Variants in WRN observed in about 807,000 individuals in gnomAD.
WRN encodes WRN RecQ like helicase.
In WRN, 149 loss-of-function variants were observed where a neutral mutation model predicts 180.7. The observed-to-expected ratio is 0.82, with a 90% confidence interval of 0.72 to 0.94. The LOEUF (loss-of-function observed/expected upper bound fraction) is 0.94, where lower values mean the gene tolerates loss of function less well. Among genes scored for constraint, WRN ranks in the 40% least tolerant of loss-of-function variants. The pLI, the probability that WRN is intolerant of heterozygous loss-of-function variation, is 0.00. For synonymous variants in WRN, 548 were observed against 568.9 expected (o/e 0.96, Z 0.52); for missense variants, 1,661 against 1,700.1 (o/e 0.98, Z 0.40).
chr8:31,111,012 CAATT>C (rs1338005156), intron 18 of WRN, among the ~76,000 whole-genome samples: 1 of 152,126 alleles, frequency 6.6e-6, no homozygotes, highest in Admixed American at 6.6e-5. Context: ...TGCTAGCAAT[CAATT>C]AATAATACGT....
At chr8:31,075,201 A>T (rs967671601) in intron 7 of WRN, among the ~76,000 whole-genome samples, 5 of 152,194 alleles carry the variant, frequency 3.3e-5, no homozygotes, top group African/African-American at 1.2e-4. Flanking sequence ...AGATGACAAG[A>T]TAACTGTAGT....
chr8:31,150,443 A>T lies in WRN; in HGVS notation c.3675A>T (p.Thr1225=). 1 of 1,614,170 alleles carries T rather than the reference A, an allele frequency of 6.2e-7. No individual in the cohort carries two copies. The highest frequency in any genetic ancestry group is 8.5e-7 in the Non-Finnish European group (1 of 1,180,002). Residue 1225 remains threonine (T), a synonymous_variant, in exon 31 of 35, where the codon ACA becomes ACT. Transcript: ENST00000298139. ...AAGTCATCAAACATTTCTGCCAAAC[A>T]AATAGTGTTCAGGTAAAATACTGTG... ...LLEVIKHFCQ[T]NSVQTDLFSS... is the part of the protein sequence containing the mutation.
chr8:31,130,009 AAAAAACAAAACAAAAC>A (rs1294594753), intron 23 of WRN, among the ~76,000 whole-genome samples: 1 of 114,300 alleles, frequency 8.7e-6, no homozygotes, highest in Non-Finnish European at 1.8e-5. Context: ...TGTCTCAAAA[AAAAAACAAAACAAAAC>A]AAAAAAAAAA....
chr8:31,044,342 CTTTTTTTTTTTTTT>C (rs34518426), intron 1 of WRN, among the ~76,000 whole-genome samples: 3 of 68,314 alleles, frequency 4.4e-5, no homozygotes, highest in African/African-American at 1.1e-4. Flanking sequence ...GCCCGACCTT[CTTTTTTTTTTTTTT>C]TTTTTTTTTT....
At position 31,113,338 on chromosome 8, in the gene WRN, TGAG is replaced by T. The variant is rs371590336; in HGVS notation, c.2273+1542_2273+1544del. ...GCCAAGAAAATCCTGGAGTTATTCT[TGAG>T]GACCTTAAGGAATAATTGAAATGTA... On this transcript the variant is annotated intron_variant, in intron 19 of 34. Coordinates refer to ENST00000298139, the MANE Select transcript of WRN (RefSeq NM_000553.6). Among the ~76,000 whole-genome samples, 140 of 152,290 alleles carry T rather than the reference TGAG, an allele frequency of 9.2e-4. 4 individuals carry two copies. The South Asian group carries it at 0.028, about 30-fold the overall frequency.
intron 3 of WRN, among the ~76,000 whole-genome samples, chr8:31,061,336 A>T (rs1563327837): frequency 6.6e-6 from 1 of 150,488 alleles, no homozygotes; most frequent in African/African-American, 2.4e-5. Flanking sequence ...TTGGTTCTTA[A>T]TTTTTTTTTC....
intron 7 of WRN, among the ~76,000 whole-genome samples, chr8:31,068,787 GCTTT>G (rs1812804130): frequency 1.3e-5 from 2 of 152,156 alleles, no homozygotes; most frequent in Admixed American, 6.5e-5. Flanking sequence ...ATTTTACAGT[GCTTT>G]CTAACATACT....
Position 31,081,249 on chromosome 8 carries a change from C to A in WRN, c.1222C>A (p.Gln408Lys), listed in dbSNP as rs779671852. ...TEHELQILEQ[Q>K]SQEEYLSDIA... Reference sequence around the variant, plus strand: ...ACATGAACTCCAAATTTTGGAACAGCAGTCTCAGGAAGAATATCTTAGTGA... The same window carrying A: ...ACATGAACTCCAAATTTTGGAACAGAAGTCTCAGGAAGAATATCTTAGTGA... Residue 408 changes from glutamine to lysine, a missense_variant, in exon 9 of 35, where the codon CAG becomes AAG. Gln to Lys is a moderately conservative substitution (Grantham distance 53, BLOSUM62 1). This residue lies in a region of WRN where 500 missense variants were observed against 504.1 expected (regional missense o/e 0.99). Coordinates refer to ENST00000298139, the MANE Select transcript of WRN (RefSeq NM_000553.6). 6.2e-7 allele frequency: 1 copy of A among 1,612,964 alleles called. No homozygotes were observed. The highest frequency in any genetic ancestry group is 1.1e-5 in the South Asian group (1 of 90,972).
chr8:31,151,699 A>T (rs552941804), intron 31 of WRN, among the ~76,000 whole-genome samples: 2 of 152,304 alleles, frequency 1.3e-5, no homozygotes, highest in South Asian at 4.2e-4. Context: ...GAAGAGGAAA[A>T]TGAAGTAGGG....
At chr8:31,166,771 A>T (rs1563393121) in intron 33 of WRN, among the ~76,000 whole-genome samples, 1 of 152,132 alleles carries the variant, frequency 6.6e-6, no homozygotes, top group African/African-American at 2.4e-5. Context: ...GACAGTTTGA[A>T]ACACAATTTA....
intron 34 of WRN, 135 bp from the exon 35 acceptor site, chr8:31,172,860 A>G (rs1191049289): frequency 2.9e-6 from 2 of 693,384 alleles, no homozygotes; most frequent in African/African-American, 3.6e-5. Context: ...AATAAATTAT[A>G]TAGATACCAC....
intron 23 of WRN, among the ~76,000 whole-genome samples, 163 bp from the exon 24 acceptor site, chr8:31,132,202 G>A: frequency 6.6e-6 from 1 of 152,122 alleles, no homozygotes; most frequent in African/African-American, 2.4e-5. Context: ...TCATATTTTA[G>A]CTACTTTACA....
At chr8:31,047,851 A>G (rs751948492) in intron 1 of WRN, among the ~76,000 whole-genome samples, 3 of 152,188 alleles carry the variant, frequency 2.0e-5, no homozygotes, top group Non-Finnish European at 4.4e-5. Flanking sequence ...TGAATTATTC[A>G]GTTGGGTAGT....
chr8:31,097,072 T>G (rs1814018434), intron 17 of WRN, among the ~76,000 whole-genome samples: 1 of 152,202 alleles, frequency 6.6e-6, no homozygotes, highest in South Asian at 2.1e-4. Flanking sequence ...TAATTACCTG[T>G]TTATATATCT....
intron 24 of WRN, among the ~76,000 whole-genome samples, chr8:31,136,614 T>C (rs1802406223): frequency 6.6e-6 from 1 of 152,134 alleles, no homozygotes; most frequent in Admixed American, 6.6e-5. Flanking sequence ...GGTGGGGGGA[T>C]TGCTCGAGAC....
intron 9 of WRN, among the ~76,000 whole-genome samples, chr8:31,082,745 C>T (rs1220474684): frequency 2.6e-5 from 4 of 151,862 alleles, no homozygotes; most frequent in East Asian, 1.9e-4. Context: ...TACAGGTGCC[C>T]GCCACCACAC....
chr8:31,057,103 A>G (rs1005585711), intron 1 of WRN, among the ~76,000 whole-genome samples: 1 of 152,328 alleles, frequency 6.6e-6, no homozygotes, highest in African/African-American at 2.4e-5. Flanking sequence ...ATAAATTATC[A>G]GTATTTTCAG....
intron 19 of WRN, among the ~76,000 whole-genome samples, chr8:31,114,688 T>C (rs939441638): frequency 5.9e-5 from 9 of 152,262 alleles, no homozygotes; most frequent in Middle Eastern, 3.4e-3. Context: ...AGATATATAG[T>C]TGCAGTTTTT....
chr8:31,130,615 TG>T (rs1255783637), intron 23 of WRN, among the ~76,000 whole-genome samples: 2 of 28,614 alleles, frequency 7.0e-5, no homozygotes, highest in African/African-American at 9.6e-5. Context: ...GCATAGGATT[TG>T]GGTTTTTTTT....
Sources: gnomAD v4.1 joint callset for allele counts (sites outside exome capture counted in the v4.1 genomes callset) on GRCh38, gnomAD v4.1.1 for gene constraint, gnomAD v4.1.1 regional missense constraint, MANE v1.5 for transcripts, NCBI Gene and HGNC (gene_info 2026-07-23, HGNC 2026-07-21) for gene names.